The following GFM1 variants were observed in gnomAD, a reference collection of about 807,000 sequenced individuals.
GFM1 encodes G elongation factor mitochondrial 1, also known as elongation factor G, mitochondrial.
A neutral mutation model predicts 96.2 loss-of-function variants in GFM1; 62 were observed. The observed-to-expected ratio is 0.64, with a 90% CI of 0.53 to 0.80. The LOEUF (loss-of-function observed/expected upper bound fraction) is 0.80. Ranked by LOEUF, GFM1 falls within the 30% of genes least tolerant of loss-of-function variation. The pLI, the probability that GFM1 is intolerant of heterozygous loss-of-function variation, is 0.00. For missense variants in GFM1, 852 were observed against 916.6 expected (o/e 0.93, Z 0.91); for synonymous variants, 282 against 312.9 (o/e 0.90, Z 1.04).
rs1726494180 is a variant in GFM1 at position 158,695,131 on chromosome 3, T to C, written c.*3664T>C. ...GCTCACGCCTGTAATTCCAGCACTT[T>C]GGGAGGCCAAGGTGGGTGGATAACC... is the stretch of plus-strand genomic sequence containing the variant. On this transcript the variant is annotated 3_prime_UTR_variant, in exon 18 of 18. Coordinates refer to ENST00000486715, the MANE Select transcript of GFM1 (RefSeq NM_024996.7). Among the ~76,000 whole-genome samples the C allele has an allele frequency of 6.6e-6, 1 of 152,054 alleles. No individual in the cohort carries two copies. The highest frequency in any genetic ancestry group is 1.5e-5 in the Non-Finnish European group (1 of 67,992).
intron 14 of GFM1, chr3:158,682,438 T>A (rs371112620): frequency 8.1e-6 from 3 of 369,282 alleles, no homozygotes; most frequent in South Asian, 5.9e-5. Flanking sequence ...TTGTAATCAA[T>A]TTGTAGTAGT....
At chr3:158,681,740 A>G (rs1166457492) in intron 13 of GFM1, among the ~76,000 whole-genome samples, 1 of 152,014 alleles carries the variant, frequency 6.6e-6, no homozygotes, top group Non-Finnish European at 1.5e-5. Flanking sequence ...TCTTTTAATT[A>G]CTCGACTTTT....
At chr3:158,673,503 C>CT (rs1361313985) in intron 13 of GFM1, among the ~76,000 whole-genome samples, 2 of 104,868 alleles carry the variant, frequency 1.9e-5, no homozygotes, top group Non-Finnish European at 3.8e-5. Flanking sequence ...TTTTTCTTTT[C>CT]TTTTCTTTTT....
rs1004779078 is a variant in GFM1, at chr3:158,666,361, C to T, written c.1576C>T (p.Arg526Ter). The T allele has an allele frequency of 3.7e-6, 6 of 1,613,510 alleles. No individual in the cohort carries two copies. The African/African-American group carries it at 4.0e-5, about 11-fold the overall frequency. The change falls in exon 13 of 18, where the codon CGA becomes TGA. Residue 526 changes from arginine (R) to a stop codon, truncating the protein, a stop_gained. Transcript: ENST00000486715. LOFTEE classifies it high-confidence loss of function. ...CACAGGAAAGCCAAAAGTTGCCTTT[C>T]GAGAGACCATTACTGCCCCTGTCCC... ...CITGKPKVAF[R>*]ETITAPVPFD...
rs758542361 is a variant in GFM1, at chr3:158,695,523, C to G, written c.*4056C>G. ...GTATATTATTTGTATGTATAGAATTCCCCCTCATAATCTATTGTACTGTAA... is the reference window on the plus strand; with the variant it reads ...GTATATTATTTGTATGTATAGAATTGCCCCTCATAATCTATTGTACTGTAA... On this transcript the variant is annotated 3_prime_UTR_variant, in exon 18 of 18. Transcript: ENST00000486715. The G allele has an allele frequency of 6.6e-6, 1 of 152,056 alleles. No individual in the cohort carries two copies. The highest frequency in any genetic ancestry group is 1.5e-5 in the Non-Finnish European group (1 of 68,018). 9.4% of individuals were successfully genotyped at this position (152,056 alleles called of 1,614,324 possible). A position where few individuals can be genotyped will look rare whatever the true frequency, so the allele number is the denominator to read the frequency against.
At chr3:158,690,479 G>A (rs1260396994) in intron 16 of GFM1, 156 bp downstream of exon 16, 2 of 684,808 alleles carry the variant, frequency 2.9e-6, no homozygotes, top group African/African-American at 3.6e-5. Flanking sequence ...CAACTCTTAA[G>A]TGCAGAAGTT....
chr3:158,659,023 G>T lies in GFM1; in HGVS notation c.1185G>T (p.Leu395Phe). 6.2e-7 allele frequency: 1 copy of T among 1,614,214 alleles called. No individual in the cohort carries two copies. Among genetic ancestry groups the T allele is most frequent in the Non-Finnish European group, 8.5e-7 (1 of 1,180,038 alleles). Reference sequence around the variant, plus strand: ...CAAGGACAAGAAAGAAAGTACGGTTGCAACGGCTGGCTCGCATGCATGCCG... The same window carrying T: ...CAAGGACAAGAAAGAAAGTACGGTTTCAACGGCTGGCTCGCATGCATGCCG... The part of the protein sequence containing the change: ...YNTRTRKKVR[L>F]QRLARMHADM... The change falls in exon 9 of 18, where the codon TTG becomes TTT. Residue 395 changes from leucine (L) to phenylalanine (F), a missense_variant. Coordinates refer to ENST00000486715, the MANE Select transcript of GFM1 (RefSeq NM_024996.7).
At chr3:158,677,606 G>A (rs1725012637) in intron 13 of GFM1, among the ~76,000 whole-genome samples, 1 of 152,178 alleles carries the variant, frequency 6.6e-6, no homozygotes, top group South Asian at 2.1e-4. Context: ...CTGGGTTCAA[G>A]CAGTTTTCCT....
chr3:158,670,415 T>G (rs1170669230), intron 13 of GFM1, among the ~76,000 whole-genome samples: 1 of 152,010 alleles, frequency 6.6e-6, no homozygotes, highest in African/African-American at 2.4e-5. Flanking sequence ...CTTCACTCAT[T>G]TATATTAGGC....
At chr3:158,670,860 G>A in intron 13 of GFM1, 1 of 1,306,554 alleles carries the variant, frequency 7.7e-7, no homozygotes, top group African/African-American at 1.6e-5. Flanking sequence ...CCTGAGCCCG[G>A]GAAGTTGAGG....
intron 10 of GFM1, among the ~76,000 whole-genome samples, chr3:158,661,453 A>G (rs1291507233): frequency 1.3e-5 from 2 of 152,202 alleles, no homozygotes; most frequent in African/African-American, 4.8e-5. Flanking sequence ...TAGACTTGGG[A>G]TAACAGAACA....
intron 4 of GFM1, among the ~76,000 whole-genome samples, chr3:158,647,489 A>G (rs78234725): frequency 0.013 from 1,967 of 152,350 alleles, 49 homozygotes; most frequent in African/African-American, 0.045. Context: ...CAAAGCCTTT[A>G]AAAAGAGTCA....
rs149049400 is a variant in GFM1, at chr3:158,691,401, C to T, written c.2190C>T (p.Asp730=). ...CATGTTTACCATCCACACAAGAAGA[C>T]GTCATTAATAAGTATTTGGAAGCTA... is the stretch of plus-strand genomic sequence containing the variant. ...YQPCLPSTQE[D]VINKYLEATG... is the part of the protein sequence containing the mutation. Residue 730 remains aspartate (D), a synonymous_variant, in exon 18 of 18, where the codon GAC becomes GAT. Transcript: ENST00000486715. The T allele has an allele frequency of 1.1e-3, 1,814 of 1,613,360 alleles. 16 individuals carry two copies. Among genetic ancestry groups the T allele is most frequent in the Non-Finnish European group, 5.1e-4 (600 of 1,179,548 alleles).
At chr3:158,660,032 G>A (rs1162350742) in intron 9 of GFM1, among the ~76,000 whole-genome samples, 2 of 152,106 alleles carry the variant, frequency 1.3e-5, no homozygotes, top group Non-Finnish European at 2.9e-5. Flanking sequence ...AAGCTTGGAG[G>A]CACCAATGCT....
rs1018520438 is a variant in GFM1 at position 158,691,406 on chromosome 3, T to C, written c.2195T>C (p.Ile732Thr). The C allele has an allele frequency of 9.3e-6, 15 of 1,613,910 alleles. No homozygotes were observed. The highest frequency in any genetic ancestry group is 1.3e-5 in the Non-Finnish European group (15 of 1,179,854). Residue 732 changes from isoleucine to threonine, a missense_variant, in exon 18 of 18, where the codon ATT becomes ACT. Transcript: ENST00000486715. ...PCLPSTQEDV[I>T]NKYLEATGQL... Reference sequence around the variant, plus strand: ...TTACCATCCACACAAGAAGACGTCATTAATAAGTATTTGGAAGCTACAGGT... The same window carrying C: ...TTACCATCCACACAAGAAGACGTCACTAATAAGTATTTGGAAGCTACAGGT...
chr3:158,694,002 T>C lies in GFM1; in HGVS notation c.*2535T>C, dbSNP rs1389096469. 6.6e-6 allele frequency among the ~76,000 whole-genome samples: 1 copy of C among 152,110 alleles called. No individual in the cohort carries two copies. The highest frequency in any genetic ancestry group is 2.4e-5 in the African/African-American group (1 of 41,382). ...TTGTGTGATATTAGAGTTTGGTTTTTTTGTTTAACAACTGTTTTTTTTTTT... is the reference window on the plus strand; with the variant it reads ...TTGTGTGATATTAGAGTTTGGTTTTCTTGTTTAACAACTGTTTTTTTTTTT... On this transcript the variant is annotated 3_prime_UTR_variant, in exon 18 of 18. Transcript: ENST00000486715.
intron 13 of GFM1, among the ~76,000 whole-genome samples, chr3:158,676,093 C>T (rs971051902): frequency 1.6e-4 from 25 of 152,062 alleles, no homozygotes; most frequent in Non-Finnish European, 5.9e-5. Context: ...AGCAACATGG[C>T]GAAGCCCTGT....
intron 13 of GFM1, among the ~76,000 whole-genome samples, chr3:158,676,011 A>C (rs1724856514): frequency 6.6e-6 from 1 of 152,184 alleles, no homozygotes; most frequent in African/African-American, 2.4e-5. Context: ...AGTGGCTCAC[A>C]CCTGTAATCC....
intron 15 of GFM1, among the ~76,000 whole-genome samples, chr3:158,686,721 G>GTTTTTTTTTTT (rs67517331): frequency 2.3e-5 from 2 of 85,742 alleles, no homozygotes; most frequent in African/African-American, 4.8e-5. Flanking sequence ...TTGAATTGAG[G>GTTTTTTTTTTT]TTTTTTTTTT....
Sources: allele counts gnomAD v4.1 joint callset (sites outside exome capture counted in the v4.1 genomes callset), GRCh38; gene constraint gnomAD v4.1.1; transcripts MANE v1.5; gene names NCBI Gene and HGNC (gene_info 2026-07-23, HGNC 2026-07-21).